The following ZNF148 variants were observed in gnomAD, a reference collection of about 807,000 sequenced individuals.
ZNF148 encodes the protein zinc finger protein 148.
A neutral mutation model predicts 67.7 loss-of-function variants in ZNF148; 7 were observed. That is an observed-to-expected ratio of 0.10 (90% CI 0.06 to 0.19). The LOEUF is 0.19. Among genes scored for constraint, ZNF148 ranks in the 10% least tolerant of loss-of-function variants. ZNF148 has a pLI of 1.00. For missense variants in ZNF148, 583 were observed against 947.1 expected, an observed-to-expected ratio of 0.62 and a Z score of 5.05; for synonymous variants, 333 against 330.7, an observed-to-expected ratio of 1.01 and a Z score of -0.08.
chr3:125,334,759 T>A (rs550497200), intron 1 of ZNF148, among the ~76,000 whole-genome samples: 1 of 152,298 alleles, frequency 6.6e-6, no homozygotes, highest in East Asian at 1.9e-4. Flanking sequence ...AGGCCTTACA[T>A]GCACTCCTGT....
intron 4 of ZNF148, among the ~76,000 whole-genome samples, chr3:125,306,322 G>A (rs1939872453): frequency 6.6e-6 from 1 of 152,076 alleles, no homozygotes; most frequent in Non-Finnish European, 1.5e-5. Flanking sequence ...AAAAGTTAAA[G>A]TGAATAGTGA....
intron 5 of ZNF148, among the ~76,000 whole-genome samples, chr3:125,280,758 CAA>C (rs1299591282): frequency 4.2e-4 from 39 of 93,478 alleles, no homozygotes; most frequent in African/African-American, 9.3e-4. Flanking sequence ...TTGACGAAAG[CAA>C]AAAAAAAAAA....
At chr3:125,286,674 A>G (rs1938677557) in intron 5 of ZNF148, among the ~76,000 whole-genome samples, 1 of 152,224 alleles carries the variant, frequency 6.6e-6, no homozygotes, top group South Asian at 2.1e-4. Context: ...GAAATAGATT[A>G]TGTAGCTAAT....
intron 7 of ZNF148, among the ~76,000 whole-genome samples, chr3:125,266,016 A>G (rs1042275136): frequency 6.6e-6 from 1 of 152,202 alleles, no homozygotes; most frequent in African/African-American, 2.4e-5. Flanking sequence ...CAACAAGAAG[A>G]CTTAACTATC....
chr3:125,339,896 G>C (rs970566930), intron 1 of ZNF148, among the ~76,000 whole-genome samples: 1 of 152,086 alleles, frequency 6.6e-6, no homozygotes, highest in Non-Finnish European at 1.5e-5. Context: ...TATGGCCGTA[G>C]ACAATATATA....
chr3:125,303,245 T>C (rs982327042), intron 4 of ZNF148, among the ~76,000 whole-genome samples: 2 of 152,048 alleles, frequency 1.3e-5, no homozygotes, highest in African/African-American at 4.8e-5. Flanking sequence ...CTATAGGGGG[T>C]AGCACCAGAG....
chr3:125,308,647 T>C (rs755862385), intron 4 of ZNF148, among the ~76,000 whole-genome samples: 3 of 151,998 alleles, frequency 2.0e-5, no homozygotes, highest in Non-Finnish European at 4.4e-5. Flanking sequence ...CATACACAAT[T>C]TGATTTCAAG....
chr3:125,320,830 G>A (rs1393990732), intron 3 of ZNF148, among the ~76,000 whole-genome samples: 1 of 152,152 alleles, frequency 6.6e-6, no homozygotes, highest in East Asian at 1.9e-4. Context: ...CTGTTATTTG[G>A]AGGATGCCAG....
At position 125,232,211 on chromosome 3, in the gene ZNF148, A is replaced by G; in HGVS notation, c.*130T>C. 9.1e-7 allele frequency: 1 copy of G among 1,098,536 alleles called. No homozygotes were observed. The highest frequency in any genetic ancestry group is 1.9e-5 in the South Asian group (1 of 53,950). The allele number at this position is 1,098,536 out of a possible 1,614,324, so 68.0% of individuals were successfully genotyped here. A position where few individuals can be genotyped will look rare whatever the true frequency, so the allele number is the denominator to read the frequency against. ...AATGCAGTTATTGGATTATCTTGCT[A>G]TTCATATCAGCTTAACTTGTTATTA... On this transcript the variant is annotated 3_prime_UTR_variant, in exon 9 of 9. Coordinates refer to ENST00000360647, the MANE Select transcript of ZNF148 (RefSeq NM_021964.3). This position sits in a 1 kb window ranked among gnomAD's most constrained non-coding sequence, Gnocchi z 4.2.
At chr3:125,253,394 T>C (rs1184432341) in intron 7 of ZNF148, among the ~76,000 whole-genome samples, 1 of 152,198 alleles carries the variant, frequency 6.6e-6, no homozygotes, top group Admixed American at 6.5e-5. Context: ...TTTCTATGTA[T>C]TTAAAATAAT....
chr3:125,268,066 A>G (rs1390685856), intron 7 of ZNF148, among the ~76,000 whole-genome samples: 1 of 152,196 alleles, frequency 6.6e-6, no homozygotes, highest in African/African-American at 2.4e-5. Context: ...GAAATCACAG[A>G]TGACATAAAC....
rs886161058 is a variant in ZNF148, at chr3:125,226,422, A to G, written c.*5919T>C. 1 of 152,466 alleles carries G rather than the reference A, an allele frequency of 6.6e-6. No homozygotes were observed. The highest frequency in any genetic ancestry group is 2.4e-5 in the African/African-American group (1 of 41,478). The allele number at this position is 152,466 out of a possible 1,614,324, so 9.4% of individuals were successfully genotyped here. On this transcript the variant is annotated 3_prime_UTR_variant, in exon 9 of 9. Coordinates refer to ENST00000360647, the MANE Select transcript of ZNF148 (RefSeq NM_021964.3). ...CAGCCAGTGTCCACATTTAAAATGCAGAATTTGCAAATATTAGTCTAATAA... is the reference window on the plus strand; with the variant it reads ...CAGCCAGTGTCCACATTTAAAATGCGGAATTTGCAAATATTAGTCTAATAA...
chr3:125,284,911 T>TC (rs1938575859), intron 5 of ZNF148, among the ~76,000 whole-genome samples: 1 of 59,054 alleles, frequency 1.7e-5, no homozygotes, highest in Non-Finnish European at 3.3e-5. Context: ...ATTTAAGTTT[T>TC]CCAAAAAAAA....
At position 125,300,495 on chromosome 3, in the gene ZNF148, C is replaced by G. The variant is rs570248379; in HGVS notation, c.334-12267G>C. ...TAAAAACCAAAACAGAGGTCTTATACCAATGGCCAAATATGTTTTGAGTTT... is the reference window on the plus strand; with the variant it reads ...TAAAAACCAAAACAGAGGTCTTATAGCAATGGCCAAATATGTTTTGAGTTT... On this transcript the variant is annotated intron_variant, in intron 4 of 8. Coordinates refer to ENST00000360647, the MANE Select transcript of ZNF148 (RefSeq NM_021964.3). Among the ~76,000 whole-genome samples, 19 of 152,242 alleles carry G rather than the reference C, an allele frequency of 1.2e-4. No homozygotes were observed. In the South Asian group the frequency reaches 3.9e-3, roughly 32 times the overall value.
intron 2 of ZNF148, among the ~76,000 whole-genome samples, chr3:125,325,560 G>A (rs937713431): frequency 4.6e-5 from 7 of 152,028 alleles, no homozygotes; most frequent in South Asian, 2.1e-4. Context: ...CTGCCTCCCC[G>A]GTTCAAGCGA....
At chr3:125,300,489 C>G (rs1201931767) in intron 4 of ZNF148, among the ~76,000 whole-genome samples, 1 of 152,126 alleles carries the variant, frequency 6.6e-6, no homozygotes, top group Non-Finnish European at 1.5e-5. Flanking sequence ...AAACAGAGGT[C>G]TTATACCAAT....
At chr3:125,306,601 A>G (rs1353846320) in intron 4 of ZNF148, among the ~76,000 whole-genome samples, 1 of 152,166 alleles carries the variant, frequency 6.6e-6, no homozygotes, top group Non-Finnish European at 1.5e-5. Flanking sequence ...AAAATTTGTA[A>G]TTTAAAACCT....
intron 1 of ZNF148, among the ~76,000 whole-genome samples, chr3:125,334,363 G>A (rs1195724942): frequency 6.6e-6 from 1 of 152,152 alleles, no homozygotes; most frequent in Admixed American, 6.5e-5. Flanking sequence ...TAGCAAGGAT[G>A]ATAAGCACAT....
chr3:125,318,600 C>G (rs1212339604), intron 3 of ZNF148, among the ~76,000 whole-genome samples: 1 of 152,102 alleles, frequency 6.6e-6, no homozygotes, highest in East Asian at 1.9e-4. Context: ...CTCTGAGCTC[C>G]CTGTGAAGAC....
Sources: gnomAD v4.1 joint callset for allele counts (sites outside exome capture counted in the v4.1 genomes callset) on GRCh38, gnomAD v4.1.1 for gene constraint, Gnocchi (gnomAD v3.1) non-coding constraint, MANE v1.5 for transcripts, NCBI Gene and HGNC (gene_info 2026-07-23, HGNC 2026-07-21) for gene names.